The following TRIM29 variants were observed in gnomAD, a reference collection of about 807,000 sequenced individuals.
TRIM29 encodes tripartite motif containing 29.
A neutral mutation model predicts 57.3 loss-of-function variants in TRIM29; 52 were observed. The observed-to-expected ratio is 0.91, with a 90% confidence interval of 0.73 to 1.14. TRIM29 has a LOEUF of 1.14. TRIM29 is among the 50% of genes most tolerant of loss of function. The pLI is 0.00. For missense variants in TRIM29, 753 were observed against 774.6 expected, an observed-to-expected ratio of 0.97 and a Z score of 0.33; for synonymous variants, 319 against 316.9, an observed-to-expected ratio of 1.01 and a Z score of -0.07.
chr11:120,128,487 C>T lies in TRIM29; in HGVS notation c.813G>A (p.Leu271=), dbSNP rs748575522. Residue 271 remains leucine, a synonymous_variant, in exon 2 of 9, where the codon CTG becomes CTA. Transcript: ENST00000341846. ...EEAKAEKETE[L]SLQKEQLQLK... is the part of the protein sequence containing the mutation. ...GCTGCAGCTGCTCCTTTTGCAATGACAGCTCCGTCTGCAGAGAAAGAGCCA... is the reference window on the plus strand; with the variant it reads ...GCTGCAGCTGCTCCTTTTGCAATGATAGCTCCGTCTGCAGAGAAAGAGCCA... The T allele has an allele frequency of 2.5e-5, 40 of 1,609,778 alleles. No individual in the cohort carries two copies. Among genetic ancestry groups the T allele is most frequent in the Admixed American group, 2.0e-4 (12 of 59,996 alleles).
At chr11:120,131,426 G>A (rs1863720202) in intron 1 of TRIM29, among the ~76,000 whole-genome samples, 1 of 152,136 alleles carries the variant, frequency 6.6e-6, no homozygotes, top group African/African-American at 2.4e-5. Context: ...TAGAGCCAGA[G>A]GTGTTGGCGG....
intron 1 of TRIM29, among the ~76,000 whole-genome samples, chr11:120,134,373 C>A (rs1175100497): frequency 1.3e-5 from 2 of 152,324 alleles, no homozygotes; most frequent in Non-Finnish European, 2.9e-5. Context: ...CACCACTGGC[C>A]TGCGGAACGG....
rs1415947579 is a variant in TRIM29 at position 120,111,458 on chromosome 11, C to T, written c.*956G>A. ...TGTCTCCTCTCCAATCCTTGAGCACCCTGATATGCAACATGGGGGGTAATC... is the reference window on the plus strand; with the variant it reads ...TGTCTCCTCTCCAATCCTTGAGCACTCTGATATGCAACATGGGGGGTAATC... On this transcript the variant is annotated 3_prime_UTR_variant, in exon 9 of 9. Coordinates refer to ENST00000341846, the MANE Select transcript of TRIM29 (RefSeq NM_012101.4). 2 of 152,218 alleles carry T rather than the reference C, an allele frequency of 1.3e-5. No homozygotes were observed. The highest frequency in any genetic ancestry group is 4.8e-5 in the African/African-American group (2 of 41,436). The allele number at this position is 152,218 out of a possible 1,614,324, so 9.4% of individuals were successfully genotyped here. A position where few individuals can be genotyped will look rare whatever the true frequency, so the allele number is the denominator to read the frequency against.
At chr11:120,121,920 C>T (rs1165362453) in intron 5 of TRIM29, 1 of 447,046 alleles carries the variant, frequency 2.2e-6, no homozygotes, top group Non-Finnish European at 4.5e-6. Flanking sequence ...GGGGCCGGCA[C>T]TCCCAGAACT....
intron 1 of TRIM29, among the ~76,000 whole-genome samples, chr11:120,130,288 G>A (rs1863692851): frequency 6.6e-6 from 1 of 152,166 alleles, no homozygotes; most frequent in African/African-American, 2.4e-5. Context: ...CAAGGTCAGG[G>A]AACAGCTGGA....
intron 4 of TRIM29, 116 bp downstream of exon 4, chr11:120,125,575 G>A: frequency 1.9e-6 from 2 of 1,073,348 alleles, no homozygotes; most frequent in South Asian, 1.6e-5. Context: ...GGGTGGGTGG[G>A]TGGGTGGGAA....
chr11:120,113,713 G>T (rs1863196537), intron 8 of TRIM29: 7 of 455,974 alleles, frequency 1.5e-5, no homozygotes, highest in South Asian at 6.2e-5. Context: ...CTACTTACTG[G>T]CAAAGCAGAG....
intron 4 of TRIM29, 86 bp from the exon 5 acceptor site, chr11:120,123,141 A>C (rs760773120): frequency 9.2e-7 from 1 of 1,083,298 alleles, no homozygotes; most frequent in Non-Finnish European, 1.4e-6. Flanking sequence ...CAGATGAGTC[A>C]CCCCATAGCC....
chr11:120,134,987 A>G (rs1863790447), intron 1 of TRIM29, among the ~76,000 whole-genome samples: 1 of 152,150 alleles, frequency 6.6e-6, no homozygotes. Flanking sequence ...GTTTGTGTGT[A>G]TGAGCCCTGC....
chr11:120,121,050 C>T (rs1023293851), intron 5 of TRIM29: 4 of 366,852 alleles, frequency 1.1e-5, no homozygotes, highest in Non-Finnish European at 2.1e-5. Flanking sequence ...CAAGTGCTTT[C>T]CTTCCCGCAC....
chr11:120,111,883 T>C lies in TRIM29; in HGVS notation c.*531A>G, dbSNP rs1863143345. ...CAGGTTCTGCCATGCTGGGCATTGA[T>C]AGGTAGGACGAGAGAGAGCACGTAG... On this transcript the variant is annotated 3_prime_UTR_variant, in exon 9 of 9. Coordinates refer to ENST00000341846, the MANE Select transcript of TRIM29 (RefSeq NM_012101.4). The C allele has an allele frequency of 1.3e-5, 2 of 157,770 alleles. No homozygotes were observed. Among genetic ancestry groups the C allele is most frequent in the Non-Finnish European group, 2.8e-5 (2 of 71,880 alleles). The allele number at this position is 157,770 out of a possible 1,614,324, so 9.8% of individuals were successfully genotyped here.
chr11:120,125,916 C>T, intron 3 of TRIM29, 27 bp from the exon 4 acceptor site: 1 of 1,604,372 alleles, frequency 6.2e-7, no homozygotes, highest in Non-Finnish European at 8.5e-7. Context: ...GAACCATTAA[C>T]TGCCTGGGTC....
chr11:120,134,214 C>T (rs754998130), intron 1 of TRIM29, among the ~76,000 whole-genome samples: 9 of 152,170 alleles, frequency 5.9e-5, no homozygotes, highest in Non-Finnish European at 1.2e-4. Flanking sequence ...GTCATGTTGC[C>T]GCACCAAGCG....
chr11:120,122,063 G>A (rs1279717921), intron 5 of TRIM29: 3 of 417,400 alleles, frequency 7.2e-6, no homozygotes, highest in African/African-American at 6.1e-5. Flanking sequence ...ACTGGGTGGG[G>A]CGGCACAGGT....
chr11:120,120,545 T>G (rs192144237), intron 6 of TRIM29, 28 bp downstream of exon 6: 2 of 1,603,126 alleles, frequency 1.2e-6, no homozygotes, highest in African/African-American at 1.3e-5. Context: ...ATGAACTCTG[T>G]GCACCCTTGA....
intron 1 of TRIM29, among the ~76,000 whole-genome samples, chr11:120,133,543 T>C (rs1287215076): frequency 1.3e-5 from 2 of 152,010 alleles, no homozygotes; most frequent in Admixed American, 6.5e-5. Context: ...CCCTACCTCC[T>C]TTCTCACCCA....
At position 120,127,534 on chromosome 11, in the gene TRIM29, CT is replaced by C; in HGVS notation, c.935del (p.Gln312ArgfsTer17). On this transcript the variant is annotated frameshift_variant, in exon 3 of 9. Coordinates refer to ENST00000341846, the MANE Select transcript of TRIM29 (RefSeq NM_012101.4). LOFTEE classifies it high-confidence loss of function. The stretch of plus-strand genomic sequence containing the variant: ...GGTCCCGCACCAGGTCCCGGAAGTT[CT>C]GCTCCAGGATGGCCTTCTCATTGGT... The part of the protein sequence containing the change: ...FTTNEKAILE[Q>X]NFRDLVRDLE... The C allele has an allele frequency of 1.2e-6, 2 of 1,614,168 alleles. No individual in the cohort carries two copies. The highest frequency in any genetic ancestry group is 1.7e-6 in the Non-Finnish European group (2 of 1,180,008).
chr11:120,128,606 C>G (rs978677614), intron 1 of TRIM29, 111 bp from the exon 2 acceptor site: 1 of 1,506,508 alleles, frequency 6.6e-7, no homozygotes, highest in Admixed American at 2.0e-5. Flanking sequence ...GGGCTCATCA[C>G]TCATCTATTC....
Position 120,127,317 on chromosome 11 carries a change from CAG to C in TRIM29, c.1134+17_1134+18del. On this transcript the variant is annotated intron_variant, in intron 3 of 8. Transcript: ENST00000341846. ...ATTGTGAAATCGAGGGCTTGAGTGA[CAG>C]AGGAGTGGCTTGTTACCTGCAGAAA... is the stretch of plus-strand genomic sequence containing the variant. 6.2e-7 allele frequency: 1 copy of C among 1,609,480 alleles called. No homozygotes were observed. The highest frequency in any genetic ancestry group is 8.5e-7 in the Non-Finnish European group (1 of 1,176,350).
Sources: gnomAD v4.1 joint callset for allele counts (sites outside exome capture counted in the v4.1 genomes callset) on GRCh38, gnomAD v4.1.1 for gene constraint, MANE v1.5 for transcripts, NCBI Gene and HGNC (gene_info 2026-07-23, HGNC 2026-07-21) for gene names.